Variants in FRMD4B observed in about 807,000 individuals in gnomAD.
FRMD4B encodes the protein FERM domain containing 4B.
FRMD4B carries 74 observed loss-of-function variants against 141.5 expected under a neutral mutation model. That is an observed-to-expected ratio of 0.52 (90% CI 0.43 to 0.63). FRMD4B has a LOEUF of 0.63. Ranked by LOEUF, FRMD4B falls within the 30% of genes least tolerant of loss-of-function variation. The pLI is 0.00. For synonymous variants in FRMD4B, 506 were observed against 467.9 expected (o/e 1.08, Z -1.05); for missense variants, 1,366 against 1,253.4 (o/e 1.09, Z -1.36).
At position 69,250,079 on chromosome 3, in the gene FRMD4B, G is replaced by C; in HGVS notation, c.522C>G (p.Ser174Arg). Residue 174 changes from serine to arginine, a missense_variant, in exon 6 of 23, where the codon AGC becomes AGG. By Grantham distance (110) the Ser-to-Arg change is moderately radical. Transcript: ENST00000398540. ...ACGCTGCTAACTTGAAGATGGTTTC[G>C]CTCTCTACTTCGATTTGCCCCTGTT... ...CVHKGQIEVESETIFKLAAFI... is the reference protein window; with the variant it reads ...CVHKGQIEVERETIFKLAAFI... The C allele has an allele frequency of 6.2e-7, 1 of 1,610,370 alleles. No homozygotes were observed.
At position 69,196,950 on chromosome 3, in the gene FRMD4B, C is replaced by T; in HGVS notation, c.1042G>A (p.Val348Ile). ...ANSSLIKSIW[V>I]MAISQHQFYL... ...AACTGATGCTGACTAATTGCCATTA[C>T]CCAAATGGACTTGATGAGAGAAGAG... Residue 348 changes from valine (V) to isoleucine (I), a missense_variant, in exon 13 of 23, where the codon GTA becomes ATA. By Grantham distance (29) the Val-to-Ile change is conservative (BLOSUM62 3). Transcript: ENST00000398540. 6.2e-7 allele frequency: 1 copy of T among 1,609,860 alleles called. No homozygotes were observed. Among genetic ancestry groups the T allele is most frequent in the Non-Finnish European group, 8.5e-7 (1 of 1,176,170 alleles).
intron 1 of FRMD4B, among the ~76,000 whole-genome samples, chr3:69,323,846 T>C (rs1486353755): frequency 1.3e-5 from 2 of 151,842 alleles, no homozygotes; most frequent in African/African-American, 4.8e-5. Context: ...TTAAGGGCTA[T>C]ATTACTTCAG....
At position 69,475,157 on chromosome 3, in the gene FRMD4B, C is replaced by G. The variant is rs140749420; in HGVS notation, c.-128-42396G>C. Among the ~76,000 whole-genome samples the G allele has an allele frequency of 1.9e-3, 284 of 152,200 alleles. 1 individual carries two copies. The highest frequency in any genetic ancestry group is 0.01 in the Middle Eastern group (3 of 294). On this transcript the variant is annotated intron_variant, in intron 1 of 5. Transcript: ENST00000459638. Reference sequence around the variant, plus strand: ...TTGTGAGGATCACAGTCTGAGGTGTCATAAGCTAATTTCCTGACCTGTGTT... The same window carrying G: ...TTGTGAGGATCACAGTCTGAGGTGTGATAAGCTAATTTCCTGACCTGTGTT...
intron 1 of FRMD4B, among the ~76,000 whole-genome samples, chr3:69,478,262 T>C (rs199881255): frequency 6.6e-6 from 1 of 152,046 alleles, no homozygotes; most frequent in African/African-American, 2.4e-5. Context: ...GAATGTGTTT[T>C]CTCTTGCTTT....
At chr3:69,296,242 C>T (rs1350503055) in intron 4 of FRMD4B, among the ~76,000 whole-genome samples, 4 of 152,078 alleles carry the variant, frequency 2.6e-5, no homozygotes, top group Non-Finnish European at 4.4e-5. Flanking sequence ...TTTTTTAAAA[C>T]TGTGGAAACA....
At chr3:69,475,093 C>A (rs1339503117) in intron 1 of FRMD4B, among the ~76,000 whole-genome samples, 1 of 152,146 alleles carries the variant, frequency 6.6e-6, no homozygotes, top group African/African-American at 2.4e-5. Flanking sequence ...TCTTAATCTA[C>A]AAAACAGGGC....
intron 7 of FRMD4B, among the ~76,000 whole-genome samples, chr3:69,237,172 C>CAAGAGGAGG (rs1200101314): frequency 2.0e-5 from 1 of 49,466 alleles, no homozygotes; most frequent in Non-Finnish European, 4.3e-5. Context: ...GGCCGGAGCA[C>CAAGAGGAGG]AAGAGGAGGA....
Position 69,246,815 on chromosome 3 carries a change from C to A in FRMD4B, c.581+2411G>T, listed in dbSNP as rs138777871. ...GATCACTCAGGAAAACCACCAGGAA[C>A]AAGCTCGAGTGAAGGCAAAGGTCTG... On this transcript the variant is annotated intron_variant, in intron 7 of 22. Coordinates refer to ENST00000398540, the MANE Select transcript of FRMD4B (RefSeq NM_015123.3). Among the ~76,000 whole-genome samples the A allele has an allele frequency of 1.5e-3, 233 of 152,344 alleles. 1 individual carries two copies. Among genetic ancestry groups the A allele is most frequent in the African/African-American group, 5.1e-3 (214 of 41,586 alleles).
chr3:69,305,672 G>T (rs1325536559), intron 3 of FRMD4B, among the ~76,000 whole-genome samples: 1 of 152,106 alleles, frequency 6.6e-6, no homozygotes, highest in Non-Finnish European at 1.5e-5. Flanking sequence ...GAGGATCACT[G>T]GAGCCCAGGA....
chr3:69,437,775 T>C (rs1489169134), intron 1 of FRMD4B, among the ~76,000 whole-genome samples: 2 of 129,286 alleles, frequency 1.5e-5, no homozygotes, highest in Admixed American at 8.2e-5. Context: ...CTATATATAC[T>C]ATATATACTA....
Position 69,269,500 on chromosome 3 carries a change from C to T in FRMD4B, c.501+18252G>A, listed in dbSNP as rs2093584456. 1.3e-5 allele frequency among the ~76,000 whole-genome samples: 2 copies of T among 149,964 alleles called. 1 individual carries two copies. The highest frequency in any genetic ancestry group is 5.1e-5 in the African/African-American group (2 of 39,380). On this transcript the variant is annotated intron_variant, in intron 5 of 22. Coordinates refer to ENST00000398540, the MANE Select transcript of FRMD4B (RefSeq NM_015123.3). ...ATTTAAAGCTGGACAGTTAGGAATCCCCTACCTCTGATACCCGCTTCCCCC... is the reference window on the plus strand; with the variant it reads ...ATTTAAAGCTGGACAGTTAGGAATCTCCTACCTCTGATACCCGCTTCCCCC...
At chr3:69,219,362 A>G (rs1267106388) in intron 9 of FRMD4B, among the ~76,000 whole-genome samples, 1 of 152,088 alleles carries the variant, frequency 6.6e-6, no homozygotes, top group African/African-American at 2.4e-5. Context: ...TTGATGATCA[A>G]TTTCTCCAGG....
Position 69,193,684 on chromosome 3 carries a change from C to G in FRMD4B, c.1678G>C (p.Gly560Arg). ...NAINEYRIRCGKKPSQKATVL... is the reference protein window; with the variant it reads ...NAINEYRIRCRKKPSQKATVL... ...GTTGCTTTCTGGCTGGGTTTCTTTC[C>G]ACACCTAATTCGGTATTCGTTTATT... Residue 560 changes from glycine (G) to arginine (R), a missense_variant, in exon 17 of 23, where the codon GGA becomes CGA. By Grantham distance (125) the Gly-to-Arg change is moderately radical. Transcript: ENST00000398540. 6.2e-7 allele frequency: 1 copy of G among 1,612,946 alleles called. No individual in the cohort carries two copies. Among genetic ancestry groups the G allele is most frequent in the African/African-American group, 1.3e-5 (1 of 74,910 alleles).
chr3:69,523,114 A>T lies in FRMD4B; in HGVS notation c.-129+19092T>A, dbSNP rs569785718. ...GACCACCTGGAGAGGCCATATAATA[A>T]CAAGTGAAAAAAAAAAAAACAACTA... is the stretch of plus-strand genomic sequence containing the variant. On this transcript the variant is annotated intron_variant, in intron 1 of 5. Coordinates refer to the FRMD4B transcript ENST00000459638. 3.2e-3 allele frequency among the ~76,000 whole-genome samples: 460 copies of T among 144,802 alleles called. 4 individuals carry two copies. Among genetic ancestry groups the T allele is most frequent in the African/African-American group, 0.011 (434 of 38,548 alleles). 95.0% of individuals were successfully genotyped at this position (144,802 alleles called of 152,430 possible).
chr3:69,296,057 C>G (rs1350336044), intron 4 of FRMD4B, among the ~76,000 whole-genome samples: 1 of 152,062 alleles, frequency 6.6e-6, no homozygotes, highest in Non-Finnish European at 1.5e-5. Context: ...CCTTGTGATC[C>G]ACCCATCTTG....
intron 5 of FRMD4B, among the ~76,000 whole-genome samples, chr3:69,258,954 T>C (rs543274210): frequency 8.5e-5 from 13 of 152,338 alleles, no homozygotes; most frequent in African/African-American, 2.9e-4. Flanking sequence ...ACCAGTTTTG[T>C]AGAAGACAAT....
intron 4 of FRMD4B, among the ~76,000 whole-genome samples, chr3:69,301,239 G>T (rs1363915783): frequency 1.3e-5 from 2 of 152,184 alleles, no homozygotes; most frequent in South Asian, 2.1e-4. Context: ...GGGAGAGGGG[G>T]TCAGTACATA....
chr3:69,342,481 T>C (rs897830530), intron 1 of FRMD4B, among the ~76,000 whole-genome samples: 1 of 152,236 alleles, frequency 6.6e-6, no homozygotes, highest in African/African-American at 2.4e-5. Flanking sequence ...CATTCATTAC[T>C]TTGTACACTC....
chr3:69,378,668 G>C (rs1704036290), intron 1 of FRMD4B, among the ~76,000 whole-genome samples: 1 of 151,980 alleles, frequency 6.6e-6, no homozygotes, highest in South Asian at 2.1e-4. Context: ...GGCTGCCAGT[G>C]GTATTTCTAA....
Sources: allele counts gnomAD v4.1 joint callset (sites outside exome capture counted in the v4.1 genomes callset), GRCh38; gene constraint gnomAD v4.1.1; transcripts MANE v1.5; gene names NCBI Gene and HGNC (gene_info 2026-07-23, HGNC 2026-07-21).